ZNF540: variants seen among roughly 807,000 people sequenced by gnomAD.
ZNF540 encodes the protein CTD-3064H18.6.
Under a neutral mutation model 11.8 loss-of-function variants are expected in ZNF540, and 3 were observed. The observed-to-expected ratio is 0.25, with a 90% CI of 0.12 to 0.65. The LOEUF is 0.65. ZNF540 is among the 30% of genes least tolerant of loss of function. The pLI is 0.83. For synonymous variants in ZNF540, 247 were observed against 259.0 expected (o/e 0.95, Z 0.45); for missense variants, 709 against 793.1 (o/e 0.89, Z 1.27).
At chr19:37,568,752 A>G (rs1436222875) in intron 1 of ZNF540, among the ~76,000 whole-genome samples, 1 of 152,210 alleles carries the variant, frequency 6.6e-6, no homozygotes, top group Non-Finnish European at 1.5e-5. Context: ...CATTAAATTA[A>G]TGAAAAAACT....
upstream of ZNF540, among the ~76,000 whole-genome samples, chr19:37,592,340 C>T (rs774302043): frequency 6.6e-6 from 1 of 152,258 alleles, no homozygotes. Context: ...AAATTTTTCA[C>T]GGTCATATCC....
At chr19:37,565,749 C>G (rs115491718) in intron 1 of ZNF540, 1 of 1,613,760 alleles carries the variant, frequency 6.2e-7, no homozygotes, top group South Asian at 1.1e-5. Flanking sequence ...TTCCCACATG[C>G]GTTACACTGA....
At chr19:37,600,909 G>A (rs905090546) in intron 3 of ZNF540, 101 bp from the exon 4 acceptor site, 15 of 995,138 alleles carry the variant, frequency 1.5e-5, no homozygotes, top group Middle Eastern at 3.1e-4. Flanking sequence ...AGTCTTCATC[G>A]AAATCATGTT....
chr19:37,612,080 G>GT lies in ZNF540; in HGVS notation c.801dup (p.Lys268Ter). 1 of 1,611,586 alleles carries GT rather than the reference G, an allele frequency of 6.2e-7. No homozygotes were observed. ...AATCGACATCAGAAAATTCACACTG[G>GT]TAAAAAACCCTATATGTGTAAGAAA... On this transcript the variant is annotated frameshift_variant, in exon 5 of 5. Transcript: ENST00000316433. LOFTEE classifies it low-confidence loss of function (END_TRUNC).
intron 1 of ZNF540, among the ~76,000 whole-genome samples, chr19:37,578,480 T>C (rs965508554): frequency 1.3e-5 from 2 of 151,144 alleles, no homozygotes; most frequent in Non-Finnish European, 3.0e-5. Flanking sequence ...CCACCTAGAG[T>C]TTTTGCAGAG....
chr19:37,566,175 C>T (rs2147151971), intron 1 of ZNF540: 1 of 1,613,984 alleles, frequency 6.2e-7, no homozygotes, highest in Non-Finnish European at 8.5e-7. Flanking sequence ...TCTCCAAGAC[C>T]ATTGTATTGA....
chr19:37,566,996 T>C lies in ZNF540; in HGVS notation c.-73+15331T>C, dbSNP rs184167489. Among the ~76,000 whole-genome samples the C allele has an allele frequency of 3.2e-3, 484 of 152,284 alleles. 5 individuals are homozygous for C. Among genetic ancestry groups the C allele is most frequent in the African/African-American group, 0.011 (445 of 41,568 alleles). Reference sequence around the variant, plus strand: ...ACTCCCCTAATTATTCATTTGGCTGTGGTCATAATGGCCTCCTTGGTGTTA... The same window carrying C: ...ACTCCCCTAATTATTCATTTGGCTGCGGTCATAATGGCCTCCTTGGTGTTA... On this transcript the variant is annotated intron_variant, in intron 1 of 4. Coordinates refer to the ZNF540 transcript ENST00000592533.
At chr19:37,587,593 T>C (rs1303533457) in intron 1 of ZNF540, among the ~76,000 whole-genome samples, 1 of 76,648 alleles carries the variant, frequency 1.3e-5, no homozygotes, top group Non-Finnish European at 4.0e-5. Flanking sequence ...AGCACTGATC[T>C]TTTTTTTTTT....
At chr19:37,601,827 A>T (rs2044041624) in intron 4 of ZNF540, among the ~76,000 whole-genome samples, 1 of 152,258 alleles carries the variant, frequency 6.6e-6, no homozygotes. Flanking sequence ...AGCTCAGAGC[A>T]GATTCAGAGT....
At chr19:37,559,582 G>C (rs1036048774) in intron 1 of ZNF540, among the ~76,000 whole-genome samples, 2 of 152,122 alleles carry the variant, frequency 1.3e-5, no homozygotes, top group Admixed American at 6.6e-5. Context: ...ATAATGTACA[G>C]ACCTTATTTA....
intron 1 of ZNF540, among the ~76,000 whole-genome samples, chr19:37,553,677 A>G (rs1477465752): frequency 6.6e-6 from 1 of 152,034 alleles, no homozygotes; most frequent in African/African-American, 2.4e-5. Flanking sequence ...GGCTTTCAAC[A>G]TTCATTTTTA....
chr19:37,571,344 A>C (rs2043044452), intron 1 of ZNF540, among the ~76,000 whole-genome samples: 1 of 152,048 alleles, frequency 6.6e-6, no homozygotes, highest in Admixed American at 6.5e-5. Flanking sequence ...AAAAATACAA[A>C]AATTAGACAG....
intron 1 of ZNF540, 105 bp downstream of exon 1, chr19:37,595,200 ATG>A (rs146366264): frequency 4.6e-5 from 7 of 151,652 alleles, no homozygotes; most frequent in East Asian, 1.9e-4. Flanking sequence ...CTTTGCGGCC[ATG>A]TGTGTGTGTG....
chr19:37,576,475 C>G (rs2043246674), intron 1 of ZNF540, among the ~76,000 whole-genome samples: 1 of 152,116 alleles, frequency 6.6e-6, no homozygotes. Flanking sequence ...TACCATACAG[C>G]CACAGAAAAC....
chr19:37,570,851 C>G (rs1330792958), intron 1 of ZNF540, among the ~76,000 whole-genome samples: 2 of 152,112 alleles, frequency 1.3e-5, no homozygotes, highest in Non-Finnish European at 2.9e-5. Flanking sequence ...AAACCCACCC[C>G]TTTATATCCT....
chr19:37,605,490 A>G (rs1245525059), intron 4 of ZNF540, among the ~76,000 whole-genome samples: 1 of 152,220 alleles, frequency 6.6e-6, no homozygotes, highest in Non-Finnish European at 1.5e-5. Context: ...TCTACTAAAA[A>G]TACAAAAATT....
Position 37,588,184 on chromosome 19 carries a change from G to A in ZNF540, c.-72-10192G>A, listed in dbSNP as rs929384362. 7.4e-5 allele frequency among the ~76,000 whole-genome samples: 11 copies of A among 148,870 alleles called. No homozygotes were observed. The Admixed American group carries it at 7.4e-4, about 10-fold the overall frequency. The stretch of plus-strand genomic sequence containing the variant: ...GATATAAAGATGTTAACCTCTGCAA[G>A]TTAATAGGATATTTGACATATGATA... On this transcript the variant is annotated intron_variant, in intron 1 of 4. Transcript: ENST00000592533.
rs758691652 is a variant in ZNF540 at position 37,612,832 on chromosome 19, A to G, written c.1552A>G (p.Thr518Ala). 4 of 1,613,988 alleles carry G rather than the reference A, an allele frequency of 2.5e-6. No homozygotes were observed. The highest frequency in any genetic ancestry group is 3.4e-6 in the Non-Finnish European group (4 of 1,180,002). The change falls in exon 5 of 5, where the codon ACT becomes GCT. Residue 518 changes from threonine to alanine, a missense_variant. Thr to Ala is a moderately conservative substitution (Grantham distance 58). Transcript: ENST00000316433. ...CCTTACTGAACACCAGAGAATTCAC[A>G]CTGGTGAAAAGCCCTATAAATGTAA... ...FYLTEHQRIH[T>A]GEKPYKCKEC... is the part of the protein sequence containing the mutation.
At chr19:37,563,553 A>AAT (rs1278856931) in intron 1 of ZNF540, 1 of 152,248 alleles carries the variant, frequency 6.6e-6, no homozygotes, top group South Asian at 2.1e-4. Flanking sequence ...ACATATGTGG[A>AAT]ATATATACAT....
Sources: gnomAD v4.1 joint callset for allele counts (sites outside exome capture counted in the v4.1 genomes callset) on GRCh38, gnomAD v4.1.1 for gene constraint, MANE v1.5 for transcripts, NCBI Gene and HGNC (gene_info 2026-07-23, HGNC 2026-07-21) for gene names.